Variants in SORCS1 observed in about 807,000 individuals in gnomAD.
SORCS1 encodes sortilin related VPS10 domain containing receptor 1.
In SORCS1, 60 loss-of-function variants were observed where a neutral mutation model predicts 146.1. That is an observed-to-expected ratio of 0.41 (90% CI 0.33 to 0.51). SORCS1 has a LOEUF of 0.51. SORCS1 is among the 20% of genes least tolerant of loss of function. The pLI is 0.21. For missense variants in SORCS1, 1,352 were observed against 1,487.6 expected (o/e 0.91, Z 1.50); for synonymous variants, 637 against 584.0 (o/e 1.09, Z -1.31).
At chr10:106,887,723 C>T (rs1951054371) in intron 2 of SORCS1, among the ~76,000 whole-genome samples, 1 of 152,220 alleles carries the variant, frequency 6.6e-6, no homozygotes, top group South Asian at 2.1e-4. Context: ...CAGAATCACT[C>T]TTAAAAGGAT....
intron 17 of SORCS1, among the ~76,000 whole-genome samples, chr10:106,662,414 T>C (rs1299095152): frequency 6.6e-6 from 1 of 152,212 alleles, no homozygotes; most frequent in African/African-American, 2.4e-5. Context: ...CCCCACTTAA[T>C]TCATTTTCCC....
chr10:106,995,804 A>G (rs1214175536), intron 1 of SORCS1, among the ~76,000 whole-genome samples: 1 of 152,162 alleles, frequency 6.6e-6, no homozygotes, highest in Non-Finnish European at 1.5e-5. Flanking sequence ...AAACAAAATC[A>G]TGATTTTCAT....
intron 2 of SORCS1, among the ~76,000 whole-genome samples, chr10:106,884,318 G>C (rs111858124): frequency 1.3e-5 from 2 of 152,178 alleles, no homozygotes; most frequent in African/African-American, 4.8e-5. Flanking sequence ...GATAACGTAA[G>C]ATTATCTAAG....
intron 1 of SORCS1, among the ~76,000 whole-genome samples, chr10:107,140,906 C>T (rs1406962096): frequency 1.3e-5 from 2 of 152,096 alleles, no homozygotes; most frequent in African/African-American, 2.4e-5. Context: ...CAATATTTCC[C>T]GACTGGTAAA....
At chr10:106,667,349 C>A in intron 17 of SORCS1, 1 of 208,742 alleles carries the variant, frequency 4.8e-6, no homozygotes, top group Non-Finnish European at 9.6e-6. Flanking sequence ...TCTATTTGGC[C>A]TTCCTCATCA....
chr10:106,919,593 GA>G (rs1467526353), intron 2 of SORCS1, among the ~76,000 whole-genome samples: 1 of 152,052 alleles, frequency 6.6e-6, no homozygotes, highest in South Asian at 2.1e-4. Context: ...AGCATGAAGT[GA>G]AAAAAATGGA....
intron 3 of SORCS1, among the ~76,000 whole-genome samples, chr10:106,810,100 A>G (rs971129828): frequency 3.9e-5 from 6 of 152,168 alleles, no homozygotes; most frequent in African/African-American, 1.2e-4. Context: ...ACGCGCCTGT[A>G]GTCCCAACTA....
At chr10:106,701,147 A>G (rs1353420492) in intron 8 of SORCS1, among the ~76,000 whole-genome samples, 1 of 152,204 alleles carries the variant, frequency 6.6e-6, no homozygotes, top group East Asian at 1.9e-4. Flanking sequence ...GGCTATGTAA[A>G]TAGTTGTATC....
intron 5 of SORCS1, among the ~76,000 whole-genome samples, chr10:106,730,724 C>T (rs959487268): frequency 6.6e-6 from 1 of 152,070 alleles, no homozygotes; most frequent in African/African-American, 2.4e-5. Context: ...GCCTTGGAGA[C>T]ACATATTATT....
intron 3 of SORCS1, among the ~76,000 whole-genome samples, chr10:106,798,693 G>C (rs1325983752): frequency 6.6e-6 from 1 of 152,106 alleles, no homozygotes; most frequent in Non-Finnish European, 1.5e-5. Flanking sequence ...ATCATTGTTG[G>C]ACATTTGGGT....
intron 9 of SORCS1, among the ~76,000 whole-genome samples, chr10:106,695,116 C>T (rs1002733560): frequency 1.3e-5 from 2 of 152,118 alleles, no homozygotes; most frequent in African/African-American, 4.8e-5. Flanking sequence ...ACCATTCATT[C>T]TATTCAGGTG....
At chr10:106,593,144 A>AG (rs1170440815) in intron 24 of SORCS1, among the ~76,000 whole-genome samples, 2 of 151,628 alleles carry the variant, frequency 1.3e-5, no homozygotes, top group African/African-American at 4.9e-5. Flanking sequence ...AAAAAAAAAA[A>AG]AGAAACAAAA....
intron 18 of SORCS1, among the ~76,000 whole-genome samples, chr10:106,641,664 T>G (rs1014210777): frequency 5.3e-5 from 8 of 152,200 alleles, no homozygotes; most frequent in African/African-American, 1.7e-4. Context: ...ATCAATATGT[T>G]AGGCACATTG....
At chr10:106,647,857 CG>C (rs1849564198) in intron 18 of SORCS1, among the ~76,000 whole-genome samples, 1 of 151,886 alleles carries the variant, frequency 6.6e-6, no homozygotes, top group Non-Finnish European at 1.5e-5. Flanking sequence ...ATATATCTAC[CG>C]TTTTTTAATT....
intron 6 of SORCS1, among the ~76,000 whole-genome samples, chr10:106,714,111 G>A (rs1195192553): frequency 3.1e-5 from 3 of 98,098 alleles, no homozygotes; most frequent in Non-Finnish European, 5.5e-5. Context: ...ACTCCAGCCT[G>A]GCAACAACAG....
chr10:107,100,703 G>C (rs1022227499), intron 1 of SORCS1, among the ~76,000 whole-genome samples: 1 of 152,082 alleles, frequency 6.6e-6, no homozygotes, highest in African/African-American at 2.4e-5. Context: ...TGGTTAGTGG[G>C]CTGGATCTTG....
At position 107,031,599 on chromosome 10, in the gene SORCS1, C is replaced by CT. The variant is rs748014314; in HGVS notation, c.559-75020dup. 1.7e-3 allele frequency among the ~76,000 whole-genome samples: 254 copies of CT among 149,182 alleles called. 2 individuals carry two copies. The highest frequency in any genetic ancestry group is 3.4e-3 in the Admixed American group (51 of 15,182). The stretch of plus-strand genomic sequence containing the variant: ...TGTGAATGACAACCAATTTGTATCT[C>CT]TCTTTTTTTTTTTTGGTGGGGGGGA... On this transcript the variant is annotated intron_variant, in intron 1 of 25. Coordinates refer to ENST00000263054, the MANE Select transcript of SORCS1 (RefSeq NM_052918.5).
rs1355810102 is a variant in SORCS1, at chr10:106,650,668, C to G, written c.2475+1714G>C. Among the ~76,000 whole-genome samples, 4 of 152,158 alleles carry G rather than the reference C, an allele frequency of 2.6e-5. No individual in the cohort carries two copies. The East Asian group carries it at 7.7e-4, about 29-fold the overall frequency. The stretch of plus-strand genomic sequence containing the variant: ...TTAACACCTGTTTAGCCAACACTTT[C>G]TACTCGGCCTTTTACTGGAAATCTG... On this transcript the variant is annotated intron_variant, in intron 18 of 25. Transcript: ENST00000263054.
intron 3 of SORCS1, among the ~76,000 whole-genome samples, chr10:106,796,042 T>A (rs536982350): frequency 8.1e-4 from 123 of 152,370 alleles, no homozygotes; most frequent in African/African-American, 2.8e-3. Context: ...GAATCAAATC[T>A]TATATACCTA....
Sources: allele counts gnomAD v4.1 joint callset (sites outside exome capture counted in the v4.1 genomes callset), GRCh38; gene constraint gnomAD v4.1.1; transcripts MANE v1.5; gene names NCBI Gene and HGNC (gene_info 2026-07-23, HGNC 2026-07-21).